HS3ST4: variants seen among roughly 807,000 people sequenced by gnomAD.
HS3ST4 encodes heparan sulfate glucosamine 3-O-sulfotransferase 4.
A neutral mutation model predicts 29.2 loss-of-function variants in HS3ST4; 17 were observed. The observed-to-expected ratio is 0.58, with a 90% CI of 0.40 to 0.87. The LOEUF (loss-of-function observed/expected upper bound fraction) is 0.87, where lower values mean the gene tolerates loss of function less well. Among genes scored for constraint, HS3ST4 ranks in the 40% least tolerant of loss-of-function variants. The pLI is 0.00. For missense variants in HS3ST4, 627 were observed against 634.5 expected, an observed-to-expected ratio of 0.99 and a Z score of 0.13; for synonymous variants, 314 against 285.7, an observed-to-expected ratio of 1.10 and a Z score of -1.00.
In HS3ST4 at chr16:26,057,378, TC is replaced by T. The variant is rs765588491; in HGVS notation, c.735-78230del. Among the ~76,000 whole-genome samples, 323 of 152,220 alleles carry T rather than the reference TC, an allele frequency of 2.1e-3. 1 individual carries two copies. Among genetic ancestry groups the T allele is most frequent in the Non-Finnish European group, 2.7e-3 (183 of 68,016 alleles). ...TTGCCCAGGGTACATGGTAGGATCATCCCCACCTACTGAAACTCAGGTGTGG... is the reference window on the plus strand; with the variant it reads ...TTGCCCAGGGTACATGGTAGGATCATCCCACCTACTGAAACTCAGGTGTGG... On this transcript the variant is annotated intron_variant, in intron 1 of 1. Transcript: ENST00000331351.
chr16:25,869,872 A>G (rs1467422404), intron 1 of HS3ST4, among the ~76,000 whole-genome samples: 2 of 152,150 alleles, frequency 1.3e-5, no homozygotes, highest in East Asian at 3.8e-4. Context: ...TACTATAACC[A>G]TATTGTTATC....
At chr16:25,754,332 C>T (rs1966741572) in intron 1 of HS3ST4, among the ~76,000 whole-genome samples, 1 of 151,954 alleles carries the variant, frequency 6.6e-6, no homozygotes, top group African/African-American at 2.4e-5. Flanking sequence ...ATCCACCCAC[C>T]CACCCATCCA....
intron 1 of HS3ST4, among the ~76,000 whole-genome samples, chr16:26,075,904 G>A (rs1898657211): frequency 6.6e-6 from 1 of 152,184 alleles, no homozygotes; most frequent in African/African-American, 2.4e-5. Flanking sequence ...TCCTTGGGAT[G>A]TCTATGAAGC....
In HS3ST4 at chr16:25,879,977, A is replaced by G. The variant is rs1453644498; in HGVS notation, c.734+186826A>G. On this transcript the variant is annotated intron_variant, in intron 1 of 1. Transcript: ENST00000331351. ...ACTACCACGAGAACAGTATGGGGGA[A>G]CTGCCCCCCATGATTCAATTATCTC... Among the ~76,000 whole-genome samples, 3 of 152,210 alleles carry G rather than the reference A, an allele frequency of 2.0e-5. No individual in the cohort carries two copies. The East Asian group carries it at 5.8e-4, about 29-fold the overall frequency.
chr16:25,909,096 C>T (rs1275484028), intron 1 of HS3ST4, among the ~76,000 whole-genome samples: 2 of 152,190 alleles, frequency 1.3e-5, no homozygotes, highest in Non-Finnish European at 1.5e-5. Flanking sequence ...CATCTCCAAC[C>T]CTAATATGCA....
At chr16:25,796,291 C>G (rs1966885517) in intron 1 of HS3ST4, among the ~76,000 whole-genome samples, 1 of 152,140 alleles carries the variant, frequency 6.6e-6, no homozygotes, top group African/African-American at 2.4e-5. Flanking sequence ...GTGAGCATCC[C>G]TTTCTTTTGG....
At chr16:25,707,298 TGAGA>T (rs942333157) in intron 1 of HS3ST4, among the ~76,000 whole-genome samples, 5 of 152,196 alleles carry the variant, frequency 3.3e-5, no homozygotes, top group African/African-American at 9.6e-5. Flanking sequence ...TAAAATATTT[TGAGA>T]GAGAGACCAT....
At chr16:26,020,182 C>T (rs536255992) in intron 1 of HS3ST4, among the ~76,000 whole-genome samples, 4 of 152,146 alleles carry the variant, frequency 2.6e-5, no homozygotes, top group Non-Finnish European at 5.9e-5. Context: ...GTGGCAGTCA[C>T]CTTTGACAGT....
At chr16:25,832,451 TG>T (rs1567250623) in intron 1 of HS3ST4, among the ~76,000 whole-genome samples, 2 of 152,204 alleles carry the variant, frequency 1.3e-5, no homozygotes, top group African/African-American at 4.8e-5. Context: ...AAGCACACAA[TG>T]GTTCGGACTT....
At chr16:25,863,375 C>T (rs1437001135) in intron 1 of HS3ST4, among the ~76,000 whole-genome samples, 22 of 152,166 alleles carry the variant, frequency 1.4e-4, no homozygotes. Flanking sequence ...GCCACTGTGC[C>T]TGGCCGTGTT....
At chr16:25,999,565 T>C (rs1969187043) in intron 1 of HS3ST4, among the ~76,000 whole-genome samples, 1 of 151,394 alleles carries the variant, frequency 6.6e-6, no homozygotes, top group East Asian at 1.9e-4. Flanking sequence ...TAAATTGCCA[T>C]GTATCTTGTT....
chr16:26,083,121 C>A (rs1898743751), intron 1 of HS3ST4, among the ~76,000 whole-genome samples: 1 of 152,202 alleles, frequency 6.6e-6, no homozygotes, highest in Non-Finnish European at 1.5e-5. Context: ...CCTTACCTGA[C>A]ATAATTAGCT....
chr16:25,823,860 G>A (rs955973784), intron 1 of HS3ST4, among the ~76,000 whole-genome samples: 4 of 152,204 alleles, frequency 2.6e-5, no homozygotes, highest in Admixed American at 1.3e-4. Context: ...CACTGCGCCT[G>A]GCCTAAGGCC....
chr16:25,844,586 G>A (rs188414549), intron 1 of HS3ST4, among the ~76,000 whole-genome samples: 61 of 152,256 alleles, frequency 4.0e-4, no homozygotes, highest in African/African-American at 1.4e-3. Flanking sequence ...CAATAGGAAC[G>A]CTTTTACACT....
chr16:25,959,901 G>A (rs1027067884), intron 1 of HS3ST4, among the ~76,000 whole-genome samples: 2 of 152,088 alleles, frequency 1.3e-5, no homozygotes, highest in Non-Finnish European at 2.9e-5. Flanking sequence ...TTGGGAGGCC[G>A]AGGTGTGTGG....
At chr16:25,739,630 A>C (rs191509428) in intron 1 of HS3ST4, among the ~76,000 whole-genome samples, 12 of 152,348 alleles carry the variant, frequency 7.9e-5, no homozygotes, top group Admixed American at 7.2e-4. Flanking sequence ...CATCAGAGTC[A>C]AAGTGAATTG....
intron 1 of HS3ST4, among the ~76,000 whole-genome samples, chr16:26,108,962 C>A (rs1308652120): frequency 1.3e-5 from 2 of 152,090 alleles, no homozygotes; most frequent in Non-Finnish European, 2.9e-5. Context: ...GCCTGCCTGA[C>A]CCATCCTGCC....
Position 25,796,910 on chromosome 16 carries a change from A to G in HS3ST4, c.734+103759A>G, listed in dbSNP as rs899196620. ...GTTGCGGTCGCATTGGTAAACTGTC[A>G]TGGCACTGGTGGGAGTGCCTTAGTG... is the stretch of plus-strand genomic sequence containing the variant. On this transcript the variant is annotated intron_variant, in intron 1 of 1. Coordinates refer to ENST00000331351, the MANE Select transcript of HS3ST4 (RefSeq NM_006040.3). Among the ~76,000 whole-genome samples the G allele has an allele frequency of 3.0e-4, 46 of 152,282 alleles. 1 individual carries two copies. The highest frequency in any genetic ancestry group is 1.2e-4 in the African/African-American group (5 of 41,560).
chr16:25,921,059 T>C (rs1442869083), intron 1 of HS3ST4, among the ~76,000 whole-genome samples: 1 of 152,242 alleles, frequency 6.6e-6, no homozygotes, highest in Non-Finnish European at 1.5e-5. Flanking sequence ...TTTACCATAA[T>C]CTTTGTCATA....
Sources: gnomAD v4.1 joint callset for allele counts (sites outside exome capture counted in the v4.1 genomes callset) on GRCh38, gnomAD v4.1.1 for gene constraint, MANE v1.5 for transcripts, NCBI Gene and HGNC (gene_info 2026-07-23, HGNC 2026-07-21) for gene names.